The following NEO1 variants were observed in gnomAD, a reference collection of about 807,000 sequenced individuals.
NEO1 encodes neogenin.
NEO1 carries 63 observed loss-of-function variants against 159.7 expected under a neutral mutation model. The observed-to-expected ratio is 0.39, with a 90% CI of 0.32 to 0.49. The LOEUF (loss-of-function observed/expected upper bound fraction) is 0.49. Ranked by LOEUF, NEO1 falls within the 20% of genes least tolerant of loss-of-function variation. The pLI is 0.85. For missense variants in NEO1, 1,615 were observed against 1,831.0 expected (o/e 0.88, Z 2.15); for synonymous variants, 633 against 662.0 (o/e 0.96, Z 0.67).
chr15:73,192,378 T>TTTTTTTCA (rs1158629906), intron 7 of NEO1, among the ~76,000 whole-genome samples: 4 of 151,830 alleles, frequency 2.6e-5, no homozygotes, highest in Non-Finnish European at 4.4e-5. Context: ...ATCTTTTTCA[T>TTTTTTTCA]TTTTTTTAAA....
chr15:73,290,175 A>G (rs1307891086), intron 25 of NEO1, among the ~76,000 whole-genome samples: 2 of 151,400 alleles, frequency 1.3e-5, no homozygotes, highest in Non-Finnish European at 2.9e-5. Flanking sequence ...TTAAAAATAA[A>G]ATTAGTAGAC....
intron 26 of NEO1, 193 bp from the exon 27 acceptor site, chr15:73,298,155 C>A: frequency 1.6e-6 from 1 of 635,714 alleles, no homozygotes; most frequent in Non-Finnish European, 2.7e-6. Context: ...ACTGGAATAG[C>A]TGGTTGAGTA....
rs909468288 is a variant in NEO1, at chr15:73,285,129, A to AT, written c.3410+2027dup. Among the ~76,000 whole-genome samples the AT allele has an allele frequency of 3.8e-4, 57 of 151,686 alleles. No individual in the cohort carries two copies. The East Asian group carries it at 9.9e-3, about 26-fold the overall frequency. ...TTGGAAGACTTCAAATTCAAAGTAA[A>AT]TTTTTTTTTAGACAGGATTTTGGTC... is the stretch of plus-strand genomic sequence containing the variant. On this transcript the variant is annotated intron_variant, in intron 23 of 28. Coordinates refer to ENST00000261908, the MANE Select transcript of NEO1 (RefSeq NM_002499.4).
intron 9 of NEO1, among the ~76,000 whole-genome samples, chr15:73,246,544 G>T (rs1198275456): frequency 1.3e-5 from 2 of 152,180 alleles, no homozygotes; most frequent in African/African-American, 4.8e-5. Context: ...GTCAAGGCAG[G>T]ATCCTAGGGA....
At chr15:73,109,585 G>T (rs2070864181) in intron 1 of NEO1, among the ~76,000 whole-genome samples, 1 of 151,926 alleles carries the variant, frequency 6.6e-6, no homozygotes. Flanking sequence ...TTATTTGGGG[G>T]AGTGGTTGGG....
chr15:73,182,952 C>T (rs536575235), intron 7 of NEO1, among the ~76,000 whole-genome samples: 106 of 152,246 alleles, frequency 7.0e-4, no homozygotes, highest in African/African-American at 2.2e-3. Flanking sequence ...GAGAAAGAGA[C>T]GGCTACTGTA....
At chr15:73,270,795 T>G (rs2041130589) in intron 18 of NEO1, among the ~76,000 whole-genome samples, 1 of 152,208 alleles carries the variant, frequency 6.6e-6, no homozygotes, top group Non-Finnish European at 1.5e-5. Flanking sequence ...GCCTGAACAC[T>G]TTGCTGGGTG....
chr15:73,246,010 G>A (rs1170826792), intron 9 of NEO1, among the ~76,000 whole-genome samples: 3 of 152,134 alleles, frequency 2.0e-5, no homozygotes, highest in African/African-American at 7.2e-5. Flanking sequence ...AGAGGCTACT[G>A]ACCAGGCAGC....
intron 7 of NEO1, among the ~76,000 whole-genome samples, chr15:73,201,537 A>G (rs149713564): frequency 1.3e-5 from 2 of 152,166 alleles, no homozygotes; most frequent in Non-Finnish European, 2.9e-5. Context: ...GCGTTTTGTC[A>G]TTGTTGGATG....
chr15:73,211,591 T>C (rs2037573140), intron 7 of NEO1, among the ~76,000 whole-genome samples: 1 of 152,162 alleles, frequency 6.6e-6, no homozygotes, highest in Non-Finnish European at 1.5e-5. Context: ...GGCACATGCG[T>C]GTATTCCCAG....
In NEO1 at chr15:73,116,840, C is replaced by T. The variant is rs750220478; in HGVS notation, c.431C>T (p.Ala144Val). 1.3e-5 allele frequency: 20 copies of T among 1,550,850 alleles called. 1 individual carries two copies. The South Asian group carries it at 2.1e-4, about 16-fold the overall frequency. ...ESLGTIISRT[A>V]KLIVAGLPRF... ...CTTGGAACTATTATCAGTAGAACAGCGAAGCTCATAGTAGCAGGTAAGTTT... is the reference window on the plus strand; with the variant it reads ...CTTGGAACTATTATCAGTAGAACAGTGAAGCTCATAGTAGCAGGTAAGTTT... Residue 144 changes from alanine to valine, a missense_variant, in exon 2 of 29, where the codon GCG (alanine) becomes GTG (valine). Ala to Val is a moderately conservative substitution (Grantham distance 64). Around this residue, in one of 3 missense-constraint regions of NEO1, gnomAD observed 1,018 missense variants for 1,115.4 expected, o/e 0.91. Transcript: ENST00000261908.
chr15:73,142,201 T>C (rs1191516754), intron 5 of NEO1, among the ~76,000 whole-genome samples: 3 of 152,102 alleles, frequency 2.0e-5, no homozygotes, highest in Admixed American at 2.0e-4. Context: ...ACCAGTTCAC[T>C]ACACAGGACA....
intron 28 of NEO1, among the ~76,000 whole-genome samples, chr15:73,302,229 A>G (rs1431427754): frequency 6.6e-6 from 1 of 152,226 alleles, no homozygotes; most frequent in Non-Finnish European, 1.5e-5. Flanking sequence ...AAACTCCAGT[A>G]AAAATGTTTT....
intron 7 of NEO1, among the ~76,000 whole-genome samples, chr15:73,179,208 G>C (rs897788306): frequency 6.6e-6 from 1 of 152,144 alleles, no homozygotes. Context: ...ACAAAGGTTT[G>C]ACTAGTAAGA....
At chr15:73,261,737 G>C (rs1360239378) in intron 15 of NEO1, among the ~76,000 whole-genome samples, 1 of 152,122 alleles carries the variant, frequency 6.6e-6, no homozygotes, top group Non-Finnish European at 1.5e-5. Flanking sequence ...ATTCTCCCCA[G>C]TGCAGTCCAA....
intron 7 of NEO1, among the ~76,000 whole-genome samples, chr15:73,210,170 G>C (rs1282695792): frequency 6.6e-6 from 1 of 152,178 alleles, no homozygotes; most frequent in Non-Finnish European, 1.5e-5. Flanking sequence ...GACACAAAAG[G>C]ACTATTGAAA....
chr15:73,259,719 A>C (rs773043301), intron 14 of NEO1, among the ~76,000 whole-genome samples: 45 of 152,330 alleles, frequency 3.0e-4, no homozygotes, highest in South Asian at 6.2e-4. Flanking sequence ...GTGAAAGAGC[A>C]TGTAAATTTC....
chr15:73,289,197 G>A lies in NEO1; in HGVS notation c.3701G>A (p.Arg1234Lys). ...MSTLAGRRGM[R>K]PKMMMPFDSQ... is the part of the protein sequence containing the mutation. The stretch of plus-strand genomic sequence containing the variant: ...ACACTGGCTGGAAGGCGAGGAATGA[G>A]ACCAAAAATGATGATGCCCTTTGAC... The change falls in exon 25 of 29, where the codon AGA becomes AAA. Residue 1234 changes from arginine to lysine, a missense_variant. By Grantham distance (26) the Arg-to-Lys change is conservative. Transcript: ENST00000261908. The A allele has an allele frequency of 1.2e-6, 2 of 1,614,110 alleles. No homozygotes were observed. The highest frequency in any genetic ancestry group is 1.7e-6 in the Non-Finnish European group (2 of 1,180,018).
chr15:73,284,447 A>C (rs1350363664), intron 23 of NEO1, among the ~76,000 whole-genome samples: 1 of 152,156 alleles, frequency 6.6e-6, no homozygotes, highest in African/African-American at 2.4e-5. Context: ...TTTGTAAGTT[A>C]TGTGATATTT....
Sources: gnomAD v4.1 joint callset for allele counts (sites outside exome capture counted in the v4.1 genomes callset) on GRCh38, gnomAD v4.1.1 for gene constraint, gnomAD v4.1.1 regional missense constraint, MANE v1.5 for transcripts, NCBI Gene and HGNC (gene_info 2026-07-23, HGNC 2026-07-21) for gene names.